ENTPD6: variants seen among roughly 807,000 people sequenced by gnomAD.
The protein encoded by ENTPD6 is CD39 antigen-like 2.
In ENTPD6, 46 loss-of-function variants were observed where a neutral mutation model predicts 61.5. The ratio of observed to expected loss-of-function variants is 0.75; its 90% CI spans 0.59 to 0.96. The LOEUF is 0.96. ENTPD6 is among the 40% of genes least tolerant of loss of function. The pLI is 0.00. For missense variants in ENTPD6, 612 were observed against 629.0 expected (o/e 0.97, Z 0.29); for synonymous variants, 252 against 255.5 (o/e 0.99, Z 0.13).
At chr20:25,197,312 T>G in intron 1 of ENTPD6, 65 of 894,502 alleles carry the variant, frequency 7.3e-5, no homozygotes, top group South Asian at 1.0e-4. Flanking sequence ...TCAGATTCTC[T>G]TCTCTGACTC....
At chr20:25,196,105 G>C in intron 1 of ENTPD6, 1 of 1,136,848 alleles carries the variant, frequency 8.8e-7, no homozygotes, top group South Asian at 4.6e-5. Context: ...CAAATAGCAG[G>C]GGCCTGTAGC....
Position 25,206,603 on chromosome 20 carries a change from C to T in ENTPD6, c.54+13C>T. 6.2e-7 allele frequency: 1 copy of T among 1,600,646 alleles called. No individual in the cohort carries two copies. The highest frequency in any genetic ancestry group is 1.1e-5 in the South Asian group (1 of 90,772). On this transcript the variant is annotated intron_variant, in intron 2 of 14. Transcript: ENST00000376652. ...CTACATTTTTCAGGTTTGTCTGGGG[C>T]TCTCAGTAGTTGCCCAAGGGACGGA...
chr20:25,209,735 T>G, intron 3 of ENTPD6, 114 bp from the exon 4 acceptor site: 1 of 843,638 alleles, frequency 1.2e-6, no homozygotes, highest in Non-Finnish European at 2.0e-6. Flanking sequence ...CCCCTGCCAC[T>G]TGGGGATTGG....
chr20:25,225,169 T>C (rs756855032), intron 13 of ENTPD6, 36 bp from the exon 14 acceptor site: 160 of 1,589,756 alleles, frequency 1.0e-4, no homozygotes, highest in Non-Finnish European at 8.6e-5. Context: ...CAGGTGGGAG[T>C]CACCTGGAGC....
intron 8 of ENTPD6, 85 bp downstream of exon 8, chr20:25,216,821 TGCGGG>T: frequency 2.7e-6 from 1 of 365,404 alleles, no homozygotes; most frequent in South Asian, 2.1e-5. Flanking sequence ...GCTGAGGTGC[TGCGGG>T]GTGGGGTGGG....
intron 10 of ENTPD6, among the ~76,000 whole-genome samples, chr20:25,219,434 A>T (rs1600655195): frequency 6.6e-6 from 1 of 152,240 alleles, no homozygotes; most frequent in South Asian, 2.1e-4. Context: ...GCGAAGGGTC[A>T]TGAAATGTGG....
At position 25,224,141 on chromosome 20, in the gene ENTPD6, G is replaced by A; in HGVS notation, c.1227G>A (p.Glu409=). The part of the protein sequence containing the change: ...KGGSLVVGDF[E]IAAKYVCRTL... Reference sequence around the variant, plus strand: ...GCAGCCTGGTGGTGGGGGACTTCGAGATCGCAGCCAAGTACGGTGAGTGAT... The same window carrying A: ...GCAGCCTGGTGGTGGGGGACTTCGAAATCGCAGCCAAGTACGGTGAGTGAT... Residue 409 remains glutamate (E), a synonymous_variant, in exon 13 of 15, where the codon GAG becomes GAA. Transcript: ENST00000376652. 1.2e-6 allele frequency: 2 copies of A among 1,612,402 alleles called. No individual in the cohort carries two copies. Among genetic ancestry groups the A allele is most frequent in the African/African-American group, 2.7e-5 (2 of 75,018 alleles).
At chr20:25,215,064 C>T (rs961539545) in intron 6 of ENTPD6, 122 bp downstream of exon 6, 25 of 658,344 alleles carry the variant, frequency 3.8e-5, no homozygotes, top group South Asian at 1.6e-4. Flanking sequence ...CTCCCCCGTC[C>T]GATGCTCAAG....
Position 25,212,388 on chromosome 20 carries a change from G to A in ENTPD6, c.454-875G>A, listed in dbSNP as rs2092027484. ...CACCTGAGATCGCCCGTGAGGATTG[G>A]CACAGGTCTGGATGTGGGCTTGGGT... On this transcript the variant is annotated intron_variant, in intron 4 of 14. Transcript: ENST00000376652. 3.3e-5 allele frequency among the ~76,000 whole-genome samples: 5 copies of A among 152,284 alleles called. No homozygotes were observed. The South Asian group carries it at 1.0e-3, about 32-fold the overall frequency.
intron 3 of ENTPD6, among the ~76,000 whole-genome samples, chr20:25,208,860 G>A (rs1173187827): frequency 1.3e-5 from 2 of 152,176 alleles, no homozygotes; most frequent in Non-Finnish European, 2.9e-5. Flanking sequence ...ATTTAACACT[G>A]ATGCAGTTGT....
chr20:25,214,202 C>T (rs2092170161), intron 5 of ENTPD6, among the ~76,000 whole-genome samples: 1 of 152,190 alleles, frequency 6.6e-6, no homozygotes, highest in Non-Finnish European at 1.5e-5. Context: ...CTCCGTGCTG[C>T]CTCCACTCAT....
intron 12 of ENTPD6, 118 bp from the exon 13 acceptor site, chr20:25,223,983 C>T: frequency 2.2e-6 from 2 of 899,830 alleles, no homozygotes; most frequent in South Asian, 3.3e-5. Flanking sequence ...GGGCCTGCCT[C>T]AGAAGCCAGT....
At chr20:25,217,246 G>T (rs999322503) in intron 8 of ENTPD6, among the ~76,000 whole-genome samples, 5 of 152,134 alleles carry the variant, frequency 3.3e-5, no homozygotes, top group Admixed American at 1.3e-4. Flanking sequence ...GGGCTCATAG[G>T]TACTGATATG....
intron 1 of ENTPD6, among the ~76,000 whole-genome samples, chr20:25,201,946 G>A (rs1301955267): frequency 6.6e-6 from 1 of 152,058 alleles, no homozygotes; most frequent in Non-Finnish European, 1.5e-5. Context: ...TCAAACTCCT[G>A]GGCTCAAGAT....
intron 1 of ENTPD6, chr20:25,196,288 GT>G: frequency 1.0e-6 from 1 of 984,536 alleles, no homozygotes; most frequent in Non-Finnish European, 1.2e-6. Flanking sequence ...GACTGAGGGT[GT>G]AAGGACGATT....
rs2090319146 is a variant in ENTPD6, at chr20:25,195,811, C to T, written c.-72C>T. 9 of 1,239,362 alleles carry T rather than the reference C, an allele frequency of 7.3e-6. No homozygotes were observed. Among genetic ancestry groups the T allele is most frequent in the Non-Finnish European group, 9.1e-6 (9 of 987,700 alleles). The allele number at this position is 1,239,362 out of a possible 1,614,324, so 76.8% of individuals were successfully genotyped here. On this transcript the variant is annotated 5_prime_UTR_variant, in exon 1 of 15. Transcript: ENST00000376652. ...GGGAGCCCAAAAGACCGGCTGCCGC[C>T]TGCTCCCCGGAAAAGGGCACTCGTC...
intron 9 of ENTPD6, 36 bp from the exon 10 acceptor site, chr20:25,218,514 A>G: frequency 3.2e-6 from 5 of 1,579,008 alleles, no homozygotes; most frequent in Non-Finnish European, 4.3e-6. Flanking sequence ...TGTACCTGCC[A>G]TGGCAGCTGC....
Position 25,225,802 on chromosome 20 carries a change from G to T in ENTPD6, c.*205G>T. On this transcript the variant is annotated 3_prime_UTR_variant, in exon 15 of 15. Transcript: ENST00000376652. ...TCTGGCCAGAGGGCTGTCTGGACCT[G>T]GGCCCTGCTCAATGCCACCTGTCTG... 1.8e-6 allele frequency: 1 copy of T among 553,584 alleles called. No individual in the cohort carries two copies. The highest frequency in any genetic ancestry group is 2.3e-5 in the South Asian group (1 of 44,042). The allele number at this position is 553,584 out of a possible 1,614,324, so 34.3% of individuals were successfully genotyped here.
chr20:25,219,199 G>C (rs1568642730), intron 10 of ENTPD6, among the ~76,000 whole-genome samples: 2 of 152,224 alleles, frequency 1.3e-5, no homozygotes, highest in Non-Finnish European at 2.9e-5. Flanking sequence ...TTTTTTAAAA[G>C]ATGCTGATGA....
Sources: gnomAD v4.1 joint callset for allele counts (sites outside exome capture counted in the v4.1 genomes callset) on GRCh38, gnomAD v4.1.1 for gene constraint, MANE v1.5 for transcripts, NCBI Gene and HGNC (gene_info 2026-07-23, HGNC 2026-07-21) for gene names.